The following PPAT variants were observed in gnomAD, a reference collection of about 807,000 sequenced individuals.
PPAT encodes the protein amidophosphoribosyltransferase.
Under a neutral mutation model 60.2 loss-of-function variants are expected in PPAT, and 20 were observed. That is an observed-to-expected ratio of 0.33 (90% CI 0.23 to 0.48). The LOEUF (loss-of-function observed/expected upper bound fraction) is 0.48. PPAT is among the 20% of genes least tolerant of loss of function. PPAT has a pLI of 0.99. For synonymous variants in PPAT, 194 were observed against 215.1 expected, an observed-to-expected ratio of 0.90 and a Z score of 0.86; for missense variants, 349 against 629.6, an observed-to-expected ratio of 0.55 and a Z score of 4.77.
At chr4:56,417,838 T>G (rs567060895) in intron 1 of PPAT, among the ~76,000 whole-genome samples, 1 of 96,266 alleles carries the variant, frequency 1.0e-5, no homozygotes, top group East Asian at 2.9e-4. Flanking sequence ...AGATTTGGTT[T>G]TTTGTTTTTT....
chr4:56,402,033 C>T, intron 6 of PPAT, 76 bp downstream of exon 6: 1 of 1,173,934 alleles, frequency 8.5e-7, no homozygotes, highest in Non-Finnish European at 1.2e-6. Context: ...CAAACTTTCA[C>T]ATAAATAAGA....
At chr4:56,402,086 A>G in intron 6 of PPAT, 23 bp downstream of exon 6, 1 of 1,503,266 alleles carries the variant, frequency 6.7e-7, no homozygotes, top group Non-Finnish European at 9.0e-7. Flanking sequence ...AAAATAAAAT[A>G]TGTCAAACAA....
chr4:56,401,317 GA>G lies in PPAT; in HGVS notation c.886+12del. ...CATTTATATGAATGTTCAAAGAAAA[GA>G]AATCTACTTACCTTCGAACATACTG... On this transcript the variant is annotated intron_variant, in intron 7 of 10. Transcript: ENST00000264220. 1.3e-6 allele frequency: 2 copies of G among 1,549,828 alleles called. No homozygotes were observed. Among genetic ancestry groups the G allele is most frequent in the South Asian group, 1.2e-5 (1 of 83,170 alleles).
intron 3 of PPAT, chr4:56,404,088 C>A: frequency 2.4e-6 from 1 of 417,032 alleles, no homozygotes; most frequent in Non-Finnish European, 4.9e-6. Context: ...ATACTAATAA[C>A]GGATGACCAT....
chr4:56,395,230 A>G lies in PPAT; in HGVS notation c.*122T>C. ...AGAAAAAAAAAAAATCTCAAAACTT[A>G]TAAACATAAGCATGGCATTTTACAT... is the stretch of plus-strand genomic sequence containing the variant. On this transcript the variant is annotated 3_prime_UTR_variant, in exon 11 of 11. Transcript: ENST00000264220. 3.2e-6 allele frequency: 3 copies of G among 940,066 alleles called. No individual in the cohort carries two copies. In the South Asian group the frequency reaches 5.8e-5, roughly 18 times the overall value. 58.2% of individuals were successfully genotyped at this position (940,066 alleles called of 1,614,324 possible).
chr4:56,423,948 T>C (rs1290529970), intron 1 of PPAT, among the ~76,000 whole-genome samples: 1 of 152,186 alleles, frequency 6.6e-6, no homozygotes, highest in African/African-American at 2.4e-5. Flanking sequence ...AGTATTGAGG[T>C]ATAAAAATAT....
chr4:56,419,887 G>A, intron 1 of PPAT: 9 of 984,828 alleles, frequency 9.1e-6, no homozygotes, highest in Non-Finnish European at 1.1e-5. Flanking sequence ...AAGATCGTAA[G>A]AACAGCTCAA....
chr4:56,422,196 C>CCTA (rs1717073151), intron 1 of PPAT: 1 of 152,140 alleles, frequency 6.6e-6, no homozygotes, highest in Admixed American at 6.5e-5. Flanking sequence ...ATCCTTGGAA[C>CCTA]CTGGGAGGCA....
chr4:56,417,999 C>G (rs1286560041), intron 1 of PPAT, among the ~76,000 whole-genome samples: 1 of 151,942 alleles, frequency 6.6e-6, no homozygotes, highest in Non-Finnish European at 1.5e-5. Flanking sequence ...ACCACACACC[C>G]AACTAATTTT....
chr4:56,400,644 A>G, intron 8 of PPAT, 140 bp downstream of exon 8: 1 of 941,566 alleles, frequency 1.1e-6, no homozygotes. Context: ...GAAAATAAAA[A>G]ACGCTTGTAA....
At chr4:56,403,804 T>C (rs555165371) in intron 3 of PPAT, among the ~76,000 whole-genome samples, 1 of 152,296 alleles carries the variant, frequency 6.6e-6, no homozygotes, top group East Asian at 1.9e-4. Context: ...TCAGGCATTA[T>C]ACATTAGCTT....
chr4:56,407,491 T>C (rs180747176), intron 2 of PPAT, among the ~76,000 whole-genome samples, 159 bp downstream of exon 2: 1 of 152,276 alleles, frequency 6.6e-6, no homozygotes, highest in Non-Finnish European at 1.5e-5. Context: ...GCTAATTTTG[T>C]ATTTTTAGTA....
Position 56,400,780 on chromosome 4 carries a change from A to G in PPAT, c.1014+4T>C, listed in dbSNP as rs753191246. 11 of 1,611,760 alleles carry G rather than the reference A, an allele frequency of 6.8e-6. No individual in the cohort carries two copies. The South Asian group carries it at 1.2e-4, about 18-fold the overall frequency. On this transcript the variant is annotated splice_donor_region_variant and intron_variant, in intron 8 of 10. Transcript: ENST00000264220. ...TTCACTGCATGTTAATTAAGAGAAA[A>G]TACCTTTCCTGCGTAAGCAAGAGCA...
chr4:56,432,569 A>G (rs1440566705), intron 1 of PPAT, among the ~76,000 whole-genome samples: 2 of 150,318 alleles, frequency 1.3e-5, no homozygotes, highest in Non-Finnish European at 3.0e-5. Context: ...GCAGATCACG[A>G]GGTCAGGAGA....
At chr4:56,418,256 T>C (rs1182241475) in intron 1 of PPAT, among the ~76,000 whole-genome samples, 1 of 152,196 alleles carries the variant, frequency 6.6e-6, no homozygotes, top group Non-Finnish European at 1.5e-5. Context: ...TGAGCAGTGG[T>C]CTCTCCACTA....
rs535858569 is a variant in PPAT at position 56,414,647 on chromosome 4, A to G, written c.129-6931T>C. Among the ~76,000 whole-genome samples the G allele has an allele frequency of 2.6e-3, 393 of 152,348 alleles. 3 individuals carry two copies. The highest frequency in any genetic ancestry group is 8.9e-3 in the African/African-American group (370 of 41,578). The stretch of plus-strand genomic sequence containing the variant: ...AAAAAATTATCTGAAGAGGTTGGAG[A>G]GAGAGCTTTTCTGTTTCACTACCAT... On this transcript the variant is annotated intron_variant, in intron 1 of 10. Coordinates refer to ENST00000264220, the MANE Select transcript of PPAT (RefSeq NM_002703.5).
chr4:56,426,713 A>G (rs1369890085), intron 1 of PPAT, among the ~76,000 whole-genome samples: 1 of 152,156 alleles, frequency 6.6e-6, no homozygotes, highest in Non-Finnish European at 1.5e-5. Flanking sequence ...TCTGGCTCCT[A>G]TGAATACTGT....
intron 1 of PPAT, among the ~76,000 whole-genome samples, chr4:56,432,991 C>CAT (rs573689687): frequency 2.0e-5 from 3 of 147,286 alleles, no homozygotes; most frequent in Admixed American, 6.9e-5. Flanking sequence ...CATACACACA[C>CAT]GTATTTTATA....
intron 1 of PPAT, chr4:56,416,498 T>G: frequency 5.1e-6 from 1 of 197,582 alleles, no homozygotes; most frequent in Non-Finnish European, 9.1e-6. Context: ...AAAGACTGGT[T>G]CCTAATCTGA....
Sources: gnomAD v4.1 joint callset for allele counts (sites outside exome capture counted in the v4.1 genomes callset) on GRCh38, gnomAD v4.1.1 for gene constraint, MANE v1.5 for transcripts, NCBI Gene and HGNC (gene_info 2026-07-23, HGNC 2026-07-21) for gene names.